Variants in LRRN1 observed in about 807,000 individuals in gnomAD.
LRRN1 encodes leucine rich repeat neuronal 1.
In LRRN1, 14 loss-of-function variants were observed where a neutral mutation model predicts 45.8. The observed-to-expected ratio is 0.31, with a 90% confidence interval of 0.20 to 0.48. The LOEUF is 0.48. Among genes scored for constraint, LRRN1 ranks in the 20% least tolerant of loss-of-function variants. The pLI, the probability that LRRN1 is intolerant of heterozygous loss-of-function variation, is 0.99. For missense variants in LRRN1, 789 were observed against 874.2 expected (o/e 0.90, Z 1.23); for synonymous variants, 359 against 330.1 (o/e 1.09, Z -0.95).
intron 1 of LRRN1, among the ~76,000 whole-genome samples, chr3:3,809,553 A>AT (rs1692835417): frequency 6.6e-6 from 1 of 152,254 alleles, no homozygotes; most frequent in Non-Finnish European, 1.5e-5. Flanking sequence ...TCCTCCTGAC[A>AT]TGCAAGTGAA....
chr3:3,845,161 C>T lies in LRRN1; in HGVS notation c.520C>T (p.Leu174=). The T allele has an allele frequency of 6.2e-7, 1 of 1,614,160 alleles. No individual in the cohort carries two copies. Among genetic ancestry groups the T allele is most frequent in the Non-Finnish European group, 8.5e-7 (1 of 1,180,032 alleles). Residue 174 remains leucine (L), a synonymous_variant, in exon 2 of 2, where the codon CTG becomes TTG. Transcript: ENST00000319331. The surrounding 1 kb of genome is among the most constrained non-coding windows in gnomAD (Gnocchi z 6.5). The part of the protein sequence containing the change: ...AGLKNLLRLH[L]NSNKLKVIDS... Reference sequence around the variant, plus strand: ...CTTAAAAAATCTATTAAGGCTCCACCTGAACTCCAACAAATTGAAAGTTAT... The same window carrying T: ...CTTAAAAAATCTATTAAGGCTCCACTTGAACTCCAACAAATTGAAAGTTAT...
chr3:3,821,326 A>G (rs1185589396), intron 1 of LRRN1, among the ~76,000 whole-genome samples: 3 of 152,218 alleles, frequency 2.0e-5, no homozygotes, highest in Non-Finnish European at 4.4e-5. Context: ...CTACCATGCT[A>G]GGCAGTGCAG....
chr3:3,815,910 G>GTCTT (rs3043965), intron 1 of LRRN1, among the ~76,000 whole-genome samples: 150,702 of 152,140 alleles, frequency 0.99, 74,662 homozygotes, highest in Middle Eastern at 1. Flanking sequence ...CCCTTTCTTA[G>GTCTT]TCTAAGAGAT....
intron 1 of LRRN1, among the ~76,000 whole-genome samples, chr3:3,832,689 C>G (rs543422953): frequency 6.6e-6 from 1 of 152,248 alleles, no homozygotes; most frequent in East Asian, 1.9e-4. Context: ...TTAAAGGGAC[C>G]CAGCCTCCCC....
chr3:3,828,437 GGGTGGGTCTGCCTTCCCACTGACTCAAAT>G (rs906745505), intron 1 of LRRN1, among the ~76,000 whole-genome samples: 2 of 151,726 alleles, frequency 1.3e-5, no homozygotes, highest in African/African-American at 4.8e-5. Context: ...ACCAGATTAA[GGGTGGGTCTGCCTTCCCACTGACTCAAAT>G]GGTAATCTCT....
intron 1 of LRRN1, among the ~76,000 whole-genome samples, chr3:3,809,786 A>G (rs1692839323): frequency 6.6e-6 from 1 of 152,226 alleles, no homozygotes; most frequent in Admixed American, 6.5e-5. Flanking sequence ...AGAATCATTC[A>G]GTGAGAACAT....
intron 1 of LRRN1, among the ~76,000 whole-genome samples, chr3:3,825,807 A>G (rs1217676274): frequency 6.6e-6 from 1 of 152,204 alleles, no homozygotes; most frequent in Non-Finnish European, 1.5e-5. Flanking sequence ...CTGAGCAGAG[A>G]GTCACACCAT....
intron 1 of LRRN1, among the ~76,000 whole-genome samples, chr3:3,819,037 A>C (rs1035994647): frequency 6.6e-6 from 1 of 151,972 alleles, no homozygotes; most frequent in Non-Finnish European, 1.5e-5. Context: ...TCTTTCACCC[A>C]GACTAGAAGG....
rs1692999901 is a variant in LRRN1 at position 3,817,000 on chromosome 3, T to A, written c.-279+17081T>A. 6.6e-6 allele frequency among the ~76,000 whole-genome samples: 1 copy of A among 152,128 alleles called. No homozygotes were observed. ...AGATAGATAAGATACGATAGAGAGA[T>A]TTATTACAGGAATTAGCCTACGTGA... On this transcript the variant is annotated intron_variant, in intron 1 of 1. Transcript: ENST00000319331. The surrounding 1 kb of genome is among the most constrained non-coding windows in gnomAD (Gnocchi z 4.0).
At chr3:3,817,623 GTCAGGCTCTT>G (rs1419929349) in intron 1 of LRRN1, among the ~76,000 whole-genome samples, 5 of 151,722 alleles carry the variant, frequency 3.3e-5, no homozygotes, top group African/African-American at 1.2e-4. Context: ...GCCCTAAGCA[GTCAGGCTCTT>G]TAGAGAAATA....
At chr3:3,803,363 A>G (rs573036205) in intron 1 of LRRN1, among the ~76,000 whole-genome samples, 1 of 152,358 alleles carries the variant, frequency 6.6e-6, no homozygotes, top group South Asian at 2.1e-4. Flanking sequence ...TAAGTCATAA[A>G]TAAAATATGG....
At chr3:3,835,950 G>C (rs1419602887) in intron 1 of LRRN1, among the ~76,000 whole-genome samples, 1 of 151,986 alleles carries the variant, frequency 6.6e-6, no homozygotes, top group Admixed American at 6.6e-5. Context: ...GGGCCTTAAA[G>C]CCATGTTTTG....
At chr3:3,814,754 C>T (rs1397928437) in intron 1 of LRRN1, among the ~76,000 whole-genome samples, 1 of 152,146 alleles carries the variant, frequency 6.6e-6, no homozygotes, top group African/African-American at 2.4e-5. Context: ...TCTTTGCCCC[C>T]TTCTGCCATG....
intron 1 of LRRN1, among the ~76,000 whole-genome samples, chr3:3,840,889 C>A (rs1000751600): frequency 6.6e-6 from 1 of 152,168 alleles, no homozygotes. Flanking sequence ...TAATGTTGAA[C>A]CTATAGCCCC....
rs544521635 is a variant in LRRN1 at position 3,828,949 on chromosome 3, G to A, written c.-278-15415G>A. On this transcript the variant is annotated intron_variant, in intron 1 of 1. Coordinates refer to ENST00000319331, the MANE Select transcript of LRRN1 (RefSeq NM_020873.7). ...GTACTACCCATTCTATATTCCCTTT[G>A]CCTTCAGCAAGCACCTCAGCAGGTT... 2.0e-5 allele frequency among the ~76,000 whole-genome samples: 3 copies of A among 150,716 alleles called. No homozygotes were observed. The South Asian group carries it at 6.3e-4, about 32-fold the overall frequency.
intron 1 of LRRN1, among the ~76,000 whole-genome samples, chr3:3,842,412 T>C (rs1412117742): frequency 6.6e-6 from 1 of 152,046 alleles, no homozygotes; most frequent in African/African-American, 2.4e-5. Context: ...TTTTTTTTTT[T>C]TATTGTTAGA....
intron 1 of LRRN1, chr3:3,827,134 T>C (rs1164279106): frequency 5.7e-6 from 1 of 174,434 alleles, no homozygotes; most frequent in Admixed American, 5.8e-5. Context: ...CCAAAGGCTT[T>C]ACATTTAACA....
At chr3:3,812,812 TA>T (rs34881587) in intron 1 of LRRN1, among the ~76,000 whole-genome samples, 4,653 of 121,486 alleles carry the variant, frequency 0.038, 128 homozygotes, top group East Asian at 0.16. Context: ...ATCTTGGTTG[TA>T]AAAAAAAAAA....
In LRRN1 at chr3:3,844,620, T is replaced by G; in HGVS notation, c.-22T>G. ...GTTAAAACTTTGGGGTGTCAGGAGT[T>G]GAGCTTGCTCAGCAAGCCAGCATGG... On this transcript the variant is annotated 5_prime_UTR_variant, in exon 2 of 2. Coordinates refer to ENST00000319331, the MANE Select transcript of LRRN1 (RefSeq NM_020873.7). 1.3e-6 allele frequency: 2 copies of G among 1,585,572 alleles called. No homozygotes were observed. The highest frequency in any genetic ancestry group is 1.7e-6 in the Non-Finnish European group (2 of 1,162,098).
Sources: gnomAD v4.1 joint callset for allele counts (sites outside exome capture counted in the v4.1 genomes callset) on GRCh38, gnomAD v4.1.1 for gene constraint, Gnocchi (gnomAD v3.1) non-coding constraint, MANE v1.5 for transcripts, NCBI Gene and HGNC (gene_info 2026-07-23, HGNC 2026-07-21) for gene names.